Variants in CELF2 observed in about 807,000 individuals in gnomAD.
CELF2 encodes CUGBP Elav-like family member 2, also known as CUG triplet repeat RNA-binding protein 2.
In CELF2, 8 loss-of-function variants were observed where a neutral mutation model predicts 62.6. The ratio of observed to expected loss-of-function variants is 0.13; its 90% CI spans 0.07 to 0.23. The LOEUF is 0.23. Among genes scored for constraint, CELF2 ranks in the 10% least tolerant of loss-of-function variants. The probability of loss-of-function intolerance (pLI) is 1.00; values close to 1 mark genes in which losing one functional copy is unlikely to be tolerated. For synonymous variants in CELF2, 258 were observed against 250.0 expected, an observed-to-expected ratio of 1.03 and a Z score of -0.30; for missense variants, 333 against 671.0, an observed-to-expected ratio of 0.50 and a Z score of 5.56.
At chr10:11,146,558 TACTC>T (rs904886392) in intron 1 of CELF2, among the ~76,000 whole-genome samples, 5 of 152,240 alleles carry the variant, frequency 3.3e-5, no homozygotes, top group African/African-American at 9.6e-5. Context: ...GGAAGGGAAT[TACTC>T]ACAAAGAAAG....
At chr10:10,533,385 A>G in the CELF2 span, among the ~76,000 whole-genome samples, 1 of 152,224 alleles carries the variant, frequency 6.6e-6, no homozygotes, top group Non-Finnish European at 1.5e-5. Flanking sequence ...TAAAATTGTG[A>G]TACAAACTTT....
rs181237176 is a variant in CELF2, at chr10:11,037,866, G to A, written c.74+19703G>A. 1.3e-3 allele frequency among the ~76,000 whole-genome samples: 195 copies of A among 152,228 alleles called. 1 individual carries two copies. Among genetic ancestry groups the A allele is most frequent in the African/African-American group, 4.4e-3 (184 of 41,534 alleles). On this transcript the variant is annotated intron_variant, in intron 1 of 12. Transcript: ENST00000633077. The stretch of plus-strand genomic sequence containing the variant: ...ATTTTAAATTTAATTTTTAAAACAT[G>A]TATAAAGGTAGAGAGCAAGATAGAA...
intron 1 of CELF2, among the ~76,000 whole-genome samples, chr10:10,916,897 G>A (rs139903217): frequency 0.012 from 1,770 of 150,306 alleles, 31 homozygotes; most frequent in African/African-American, 0.041. Context: ...ACAGTCATGA[G>A]TCACTGCACC....
the CELF2 span, among the ~76,000 whole-genome samples, chr10:10,469,716 G>A: frequency 6.6e-6 from 1 of 151,678 alleles, no homozygotes; most frequent in African/African-American, 2.4e-5. Flanking sequence ...GTGTAGAATT[G>A]GTAATTTTTT....
At chr10:10,473,640 A>G in the CELF2 span, among the ~76,000 whole-genome samples, 1 of 151,960 alleles carries the variant, frequency 6.6e-6, no homozygotes, top group South Asian at 2.1e-4. Context: ...TGTTCTTGCT[A>G]TTTTCGTTGA....
intron 2 of CELF2, among the ~76,000 whole-genome samples, chr10:10,989,125 A>T (rs557947270): frequency 6.6e-6 from 1 of 152,318 alleles, no homozygotes; most frequent in Admixed American, 6.5e-5. Context: ...GAGTAAATTT[A>T]GAGTTAGCCT....
chr10:10,514,209 G>GTATAACT, the CELF2 span, among the ~76,000 whole-genome samples: 1 of 152,208 alleles, frequency 6.6e-6, no homozygotes, highest in East Asian at 1.9e-4. Flanking sequence ...ATGAGAGATG[G>GTATAACT]TATAACTCAG....
chr10:11,241,953 A>G (rs58320729), intron 3 of CELF2, among the ~76,000 whole-genome samples: 9,075 of 152,242 alleles, frequency 0.06, 569 homozygotes, highest in African/African-American at 0.15. Context: ...TAGTCAATAT[A>G]CAAGCGAGAC....
chr10:11,082,246 T>A (rs1036227374), intron 1 of CELF2, among the ~76,000 whole-genome samples: 1 of 152,218 alleles, frequency 6.6e-6, no homozygotes, highest in Non-Finnish European at 1.5e-5. Flanking sequence ...GTATCCTGCT[T>A]CTAGCTCCTT....
At chr10:11,192,760 T>C (rs1028933656) in intron 2 of CELF2, among the ~76,000 whole-genome samples, 5 of 152,136 alleles carry the variant, frequency 3.3e-5, no homozygotes, top group Non-Finnish European at 5.9e-5. Flanking sequence ...ACCCCTGGCG[T>C]GCGTTAGAAT....
At chr10:11,292,329 G>C (rs2092635372) in intron 9 of CELF2, among the ~76,000 whole-genome samples, 1 of 152,216 alleles carries the variant, frequency 6.6e-6, no homozygotes, top group Admixed American at 6.5e-5. Flanking sequence ...ATGACTGATA[G>C]ACGGTGACTG....
rs966873433 is a variant in CELF2, at chr10:11,207,876, G to T, written c.272-9549G>T. Among the ~76,000 whole-genome samples, 5 of 152,192 alleles carry T rather than the reference G, an allele frequency of 3.3e-5. No individual in the cohort carries two copies. Among genetic ancestry groups the T allele is most frequent in the Non-Finnish European group, 7.3e-5 (5 of 68,034 alleles). ...GGTAGCTGCTACTCTAGCTATGGAAGTCCCATTTTTAGGTGGGGAAAAAAG... is the reference window on the plus strand; with the variant it reads ...GGTAGCTGCTACTCTAGCTATGGAATTCCCATTTTTAGGTGGGGAAAAAAG... On this transcript the variant is annotated intron_variant, in intron 2 of 12. Coordinates refer to ENST00000633077, the MANE Select transcript of CELF2 (RefSeq NM_001326342.2). The surrounding 1 kb of genome is among the most constrained non-coding windows in gnomAD (Gnocchi z 4.1).
At chr10:10,903,992 C>G (rs2063137980) in intron 1 of CELF2, among the ~76,000 whole-genome samples, 1 of 152,148 alleles carries the variant, frequency 6.6e-6, no homozygotes, top group African/African-American at 2.4e-5. Context: ...AGGAGGCACC[C>G]AGCACTCTGT....
chr10:11,104,977 C>T (rs1217630993), intron 1 of CELF2, among the ~76,000 whole-genome samples: 1 of 152,204 alleles, frequency 6.6e-6, no homozygotes, highest in Non-Finnish European at 1.5e-5. Context: ...TTCTCTGAAG[C>T]TGGTCCACTG....
rs150441446 is a variant in CELF2, at chr10:10,833,164, G to A, written c.53+34347G>A. 7.9e-5 allele frequency among the ~76,000 whole-genome samples: 12 copies of A among 152,198 alleles called. No individual in the cohort carries two copies. The South Asian group carries it at 1.2e-3, about 16-fold the overall frequency. On this transcript the variant is annotated intron_variant, in intron 1 of 13. Coordinates refer to the CELF2 transcript ENST00000636488. ...TCATGCATAAAACTTTTGTGATAACGCCTTGTGTTTACGGCTTATCTTCTC... is the reference window on the plus strand; with the variant it reads ...TCATGCATAAAACTTTTGTGATAACACCTTGTGTTTACGGCTTATCTTCTC...
At chr10:10,483,214 C>CAAAA in the CELF2 span, among the ~76,000 whole-genome samples, 14 of 93,426 alleles carry the variant, frequency 1.5e-4, no homozygotes, top group African/African-American at 2.1e-4. Context: ...GGCAGAATAC[C>CAAAA]AAAAAAAAAA....
At chr10:11,073,982 A>G (rs991404811) in intron 1 of CELF2, among the ~76,000 whole-genome samples, 2 of 152,214 alleles carry the variant, frequency 1.3e-5, no homozygotes, top group African/African-American at 4.8e-5. Context: ...TTGAAAACCT[A>G]CCTTAGATAA....
chr10:10,542,083 C>A, the CELF2 span, among the ~76,000 whole-genome samples: 145,468 of 152,320 alleles, frequency 0.96, 69,509 homozygotes, highest in South Asian at 0.97. Context: ...GCAGGTCAAC[C>A]GAGATGGTAA....
rs2064733025 is a variant in CELF2 at position 11,157,396 on chromosome 10, AC to A, written c.75-8089del. ...ACTTTGATATCCGCCCTCCCCCCAC[AC>A]ACACACACACAAAAATTTCACTTAA... On this transcript the variant is annotated intron_variant, in intron 1 of 12. Transcript: ENST00000633077. The surrounding 1 kb of genome is among the most constrained non-coding windows in gnomAD (Gnocchi z 4.9). 8.6e-6 allele frequency among the ~76,000 whole-genome samples: 1 copy of A among 116,256 alleles called. No homozygotes were observed. The highest frequency in any genetic ancestry group is 1.8e-5 in the Non-Finnish European group (1 of 55,620). 76.3% of individuals were successfully genotyped at this position (116,256 alleles called of 152,430 possible).
Sources: allele counts gnomAD v4.1 joint callset (sites outside exome capture counted in the v4.1 genomes callset), GRCh38; gene constraint gnomAD v4.1.1; non-coding constraint Gnocchi (gnomAD v3.1); transcripts MANE v1.5; gene names NCBI Gene and HGNC (gene_info 2026-07-23, HGNC 2026-07-21).